The following CLASP2 variants were observed in gnomAD, a reference collection of about 807,000 sequenced individuals.
The protein encoded by CLASP2 is cytoplasmic linker associated protein 2, also known as CLIP-associating protein 2.
CLASP2 carries 47 observed loss-of-function variants against 194.4 expected under a neutral mutation model. The observed-to-expected ratio is 0.24, with a 90% CI of 0.19 to 0.31. CLASP2 has a LOEUF of 0.31. Among genes scored for constraint, CLASP2 ranks in the 10% least tolerant of loss-of-function variants. The pLI is 1.00. For missense variants in CLASP2, 1,445 were observed against 1,823.6 expected, an observed-to-expected ratio of 0.79 and a Z score of 3.78; for synonymous variants, 619 against 633.5, an observed-to-expected ratio of 0.98 and a Z score of 0.34.
chr3:33,686,257 A>G (rs1402254385), intron 5 of CLASP2, among the ~76,000 whole-genome samples: 1 of 152,158 alleles, frequency 6.6e-6, no homozygotes, highest in Admixed American at 6.5e-5. Context: ...CATGAACCAG[A>G]ACACATCCCT....
chr3:33,526,222 C>T (rs1334001925), intron 34 of CLASP2, among the ~76,000 whole-genome samples: 1 of 152,018 alleles, frequency 6.6e-6, no homozygotes, highest in Admixed American at 6.6e-5. Flanking sequence ...ATCTGCCCTG[C>T]CTTGACCTCC....
At chr3:33,557,254 G>A (rs1222714809) in intron 29 of CLASP2, among the ~76,000 whole-genome samples, 1 of 152,190 alleles carries the variant, frequency 6.6e-6, no homozygotes, top group African/African-American at 2.4e-5. Flanking sequence ...GATTACAGGT[G>A]TGAGCCACGG....
chr3:33,637,158 T>C (rs1171168773), intron 8 of CLASP2, among the ~76,000 whole-genome samples: 1 of 151,706 alleles, frequency 6.6e-6, no homozygotes, highest in Non-Finnish European at 1.5e-5. Flanking sequence ...CACAAGACAA[T>C]CTTAAAAAAC....
At chr3:33,602,096 C>T (rs2154253897) in intron 18 of CLASP2, among the ~76,000 whole-genome samples, 1 of 151,870 alleles carries the variant, frequency 6.6e-6, no homozygotes, top group African/African-American at 2.4e-5. Context: ...TCACTGCAAC[C>T]TCTGCCTCCT....
chr3:33,564,342 T>A (rs1193326784), intron 27 of CLASP2, among the ~76,000 whole-genome samples: 1 of 152,192 alleles, frequency 6.6e-6, no homozygotes, highest in East Asian at 1.9e-4. Flanking sequence ...TTATTTCCTA[T>A]AAACTTTCTA....
intron 10 of CLASP2, among the ~76,000 whole-genome samples, chr3:33,623,036 T>C (rs2077365478): frequency 6.6e-6 from 1 of 152,210 alleles, no homozygotes; most frequent in Non-Finnish European, 1.5e-5. Context: ...CTCAAACTCC[T>C]GGCTTCAACG....
At chr3:33,675,097 A>C (rs1005397047) in intron 6 of CLASP2, among the ~76,000 whole-genome samples, 3 of 152,230 alleles carry the variant, frequency 2.0e-5, no homozygotes, top group African/African-American at 7.2e-5. Context: ...TGAGGCCAGC[A>C]TCATCCTGAT....
rs1342050210 is a variant in CLASP2 at position 33,510,612 on chromosome 3, C to T, written c.4263G>A (p.Val1421=). The T allele has an allele frequency of 3.7e-6, 6 of 1,613,910 alleles. No homozygotes were observed. In the South Asian group the frequency reaches 4.4e-5, roughly 12 times the overall value. ...IKMQTKVIER[V]SKETLNLLLP... is the part of the protein sequence containing the mutation. ...AAAGCAGGTTTAGGGTTTCCTTGGACACTCTCTCTATCACTTTTGTTTGCA... is the reference window on the plus strand; with the variant it reads ...AAAGCAGGTTTAGGGTTTCCTTGGATACTCTCTCTATCACTTTTGTTTGCA... The change falls in exon 37 of 39, where the codon GTG becomes GTA. Residue 1421 remains valine (V), a synonymous_variant. Transcript: ENST00000682230.
At chr3:33,686,920 AT>A (rs941729813) in intron 5 of CLASP2, 139 bp downstream of exon 5, 8 of 556,034 alleles carry the variant, frequency 1.4e-5, no homozygotes, top group East Asian at 3.1e-5. Flanking sequence ...ACTTTGATGG[AT>A]TTTTTTTAAT....
At chr3:33,609,286 A>C (rs1187921571) in intron 13 of CLASP2, among the ~76,000 whole-genome samples, 4 of 152,186 alleles carry the variant, frequency 2.6e-5, no homozygotes, top group Non-Finnish European at 5.9e-5. Context: ...TCTCAAAAAT[A>C]AATTAAATAA....
At chr3:33,540,436 C>T (rs2058159461) in intron 32 of CLASP2, among the ~76,000 whole-genome samples, 1 of 151,632 alleles carries the variant, frequency 6.6e-6, no homozygotes, top group Admixed American at 6.6e-5. Context: ...GAGATGGGGT[C>T]TCAATATGTT....
intron 33 of CLASP2, among the ~76,000 whole-genome samples, chr3:33,536,255 C>CAA (rs71952127): frequency 0.073 from 9,993 of 136,922 alleles, 666 homozygotes; most frequent in African/African-American, 0.2. Flanking sequence ...AGGGACAGAC[C>CAA]AAAAAAAAAA....
chr3:33,605,958 T>C (rs2073736021), intron 16 of CLASP2, among the ~76,000 whole-genome samples: 2 of 152,026 alleles, frequency 1.3e-5, no homozygotes, highest in South Asian at 4.2e-4. Context: ...AATCTGCAGA[T>C]ACATGGCACA....
intron 7 of CLASP2, among the ~76,000 whole-genome samples, chr3:33,660,647 G>A (rs1320801351): frequency 2.0e-5 from 3 of 152,298 alleles, no homozygotes; most frequent in Admixed American, 6.5e-5. Context: ...TCTGGTCACA[G>A]AATATCAGGT....
At chr3:33,648,175 G>A (rs1484337955) in intron 7 of CLASP2, among the ~76,000 whole-genome samples, 1 of 151,978 alleles carries the variant, frequency 6.6e-6, no homozygotes, top group Non-Finnish European at 1.5e-5. Context: ...TAAAACCAAG[G>A]ATATCAGTAA....
chr3:33,624,513 T>C (rs1397464060), intron 10 of CLASP2, among the ~76,000 whole-genome samples: 1 of 152,110 alleles, frequency 6.6e-6, no homozygotes, highest in East Asian at 1.9e-4. Context: ...AGTTTCCCCT[T>C]ACCTGCAAGA....
intron 1 of CLASP2, among the ~76,000 whole-genome samples, chr3:33,701,843 A>C (rs2092397821): frequency 6.6e-6 from 1 of 152,366 alleles, no homozygotes; most frequent in South Asian, 2.1e-4. Context: ...ATAAACATAA[A>C]ACCTAAAACT....
Position 33,622,340 on chromosome 3 carries a change from C to A in CLASP2, c.1036-60G>T. The A allele has an allele frequency of 1.5e-6, 2 of 1,318,660 alleles. 1 individual carries two copies. Among genetic ancestry groups the A allele is most frequent in the South Asian group, 4.4e-5 (2 of 45,050 alleles). The allele number at this position is 1,318,660 out of a possible 1,614,324, so 81.7% of individuals were successfully genotyped here. A position where few individuals can be genotyped will look rare whatever the true frequency, so the allele number is the denominator to read the frequency against. On this transcript the variant is annotated intron_variant, in intron 10 of 38. Transcript: ENST00000682230. ...GTGGAAGTGCAAAAAAAAGAAGCTA[C>A]CTAAACTTCATTATTCAAACAAAAA...
At chr3:33,542,626 T>C (rs895707730) in intron 32 of CLASP2, among the ~76,000 whole-genome samples, 1 of 148,576 alleles carries the variant, frequency 6.7e-6, no homozygotes, top group Non-Finnish European at 1.5e-5. Flanking sequence ...ACATGTTATA[T>C]ATGTAATTCA....
Sources: gnomAD v4.1 joint callset for allele counts (sites outside exome capture counted in the v4.1 genomes callset) on GRCh38, gnomAD v4.1.1 for gene constraint, MANE v1.5 for transcripts, NCBI Gene and HGNC (gene_info 2026-07-23, HGNC 2026-07-21) for gene names.